USP4: variants seen among roughly 807,000 people sequenced by gnomAD.
USP4 encodes the protein ubiquitin carboxyl-terminal hydrolase 4.
Under a neutral mutation model 118.2 loss-of-function variants are expected in USP4, and 72 were observed. That is an observed-to-expected ratio of 0.61 (90% CI 0.50 to 0.74). The LOEUF (loss-of-function observed/expected upper bound fraction) is 0.74. Ranked by LOEUF, USP4 falls within the 30% of genes least tolerant of loss-of-function variation. The pLI is 0.00. For missense variants in USP4, 1,037 were observed against 1,185.7 expected (o/e 0.87, Z 1.84); for synonymous variants, 415 against 440.4 (o/e 0.94, Z 0.72).
intron 14 of USP4, among the ~76,000 whole-genome samples, chr3:49,292,893 G>A (rs1022290713): frequency 2.0e-5 from 3 of 151,694 alleles, no homozygotes; most frequent in African/African-American, 2.4e-5. Flanking sequence ...AGCTGGGCAT[G>A]GTGGCACATG....
chr3:49,319,786 T>C (rs1158637306), intron 6 of USP4, among the ~76,000 whole-genome samples: 1 of 151,902 alleles, frequency 6.6e-6, no homozygotes, highest in African/African-American at 2.4e-5. Context: ...GCTAATTTTC[T>C]GTACTTTTAG....
chr3:49,287,491 G>T (rs1575601754), intron 15 of USP4, among the ~76,000 whole-genome samples: 1 of 150,864 alleles, frequency 6.6e-6, no homozygotes, highest in Non-Finnish European at 1.5e-5. Context: ...CTTTTTTTTT[G>T]AAGTGGAGTC....
Position 49,277,371 on chromosome 3 carries a change from A to C in USP4, c.*922T>G. 6 of 598,934 alleles carry C rather than the reference A, an allele frequency of 1.0e-5. No individual in the cohort carries two copies. The highest frequency in any genetic ancestry group is 1.5e-5 in the Non-Finnish European group (6 of 400,936). The allele number at this position is 598,934 out of a possible 1,614,324, so 37.1% of individuals were successfully genotyped here. A position where few individuals can be genotyped will look rare whatever the true frequency, so the allele number is the denominator to read the frequency against. On this transcript the variant is annotated 3_prime_UTR_variant, in exon 22 of 22. Coordinates refer to ENST00000265560, the MANE Select transcript of USP4 (RefSeq NM_003363.4). ...GTGGGAGTGGGGACGGGGCTTTCGA[A>C]TGGGGGCCCCGGGAAGAGTCTTGGC... is the stretch of plus-strand genomic sequence containing the variant.
chr3:49,325,590 C>T (rs778814754), intron 4 of USP4, 129 bp downstream of exon 4: 31 of 1,406,434 alleles, frequency 2.2e-5, no homozygotes, highest in African/African-American at 2.8e-5. Context: ...GGACTGGCAA[C>T]TACAGCTCGA....
intron 20 of USP4, among the ~76,000 whole-genome samples, chr3:49,279,587 A>G (rs1248726895): frequency 6.6e-6 from 1 of 152,176 alleles, no homozygotes; most frequent in African/African-American, 2.4e-5. Context: ...GGATGTGTTT[A>G]TTACAGCAAT....
chr3:49,326,934 T>C (rs930417241), intron 3 of USP4, among the ~76,000 whole-genome samples: 1 of 151,808 alleles, frequency 6.6e-6, no homozygotes, highest in African/African-American at 2.4e-5. Flanking sequence ...TCTCCTGACC[T>C]CGTGATCCAC....
intron 19 of USP4, among the ~76,000 whole-genome samples, chr3:49,282,536 C>G (rs987719097): frequency 2.0e-5 from 3 of 152,048 alleles, no homozygotes; most frequent in African/African-American, 7.2e-5. Context: ...CTCAGCCTCC[C>G]AAAGTGCTGG....
intron 6 of USP4, among the ~76,000 whole-genome samples, chr3:49,321,594 A>C (rs1014223362): frequency 1.3e-5 from 2 of 151,252 alleles, no homozygotes; most frequent in South Asian, 4.2e-4. Flanking sequence ...CAGCCTCCCC[A>C]GTAGCTACGA....
chr3:49,308,809 C>T (rs1296891110), intron 8 of USP4, among the ~76,000 whole-genome samples: 1 of 151,650 alleles, frequency 6.6e-6, no homozygotes, highest in Non-Finnish European at 1.5e-5. Flanking sequence ...GGGTGGATCA[C>T]CTGAGGCCGG....
At chr3:49,281,571 G>A (rs113486065) in intron 19 of USP4, among the ~76,000 whole-genome samples, 98 of 150,814 alleles carry the variant, frequency 6.5e-4, no homozygotes, top group African/African-American at 1.9e-3. Flanking sequence ...CAAATTAGCC[G>A]GGCATGGTGG....
chr3:49,299,152 C>T (rs973565660), intron 11 of USP4, among the ~76,000 whole-genome samples: 4 of 152,006 alleles, frequency 2.6e-5, no homozygotes, highest in Non-Finnish European at 4.4e-5. Context: ...CGCAGTGACG[C>T]GATCTTGGCT....
At chr3:49,326,456 G>A (rs2047556521) in intron 3 of USP4, among the ~76,000 whole-genome samples, 1 of 152,044 alleles carries the variant, frequency 6.6e-6, no homozygotes, top group African/African-American at 2.4e-5. Context: ...GAGTGCAGTG[G>A]TGCGATCTCA....
At chr3:49,306,023 C>T (rs919377122) in intron 8 of USP4, 135 bp from the exon 9 acceptor site, 15 of 868,416 alleles carry the variant, frequency 1.7e-5, no homozygotes, top group Admixed American at 3.6e-5. Flanking sequence ...TGAAGGCTCA[C>T]GACAGTAAAG....
chr3:49,310,729 C>T lies in USP4; in HGVS notation c.845G>A (p.Gly282Asp). ...HSSGVSRGGS[G>D]FSASYNCQEP... ...CTGACAATTATACGAAGCAGAAAAG[C>T]CAGATCCACTGGAAAACACAACACA... The change falls in exon 8 of 22, where the codon GGC becomes GAC. Residue 282 changes from glycine to aspartate, a missense_variant. Coordinates refer to ENST00000265560, the MANE Select transcript of USP4 (RefSeq NM_003363.4). The T allele has an allele frequency of 6.2e-7, 1 of 1,613,584 alleles. No individual in the cohort carries two copies. The highest frequency in any genetic ancestry group is 2.2e-5 in the East Asian group (1 of 44,878).
Position 49,277,908 on chromosome 3 carries a change from A to G in USP4, c.*385T>C. 2.6e-6 allele frequency: 1 copy of G among 389,112 alleles called. No homozygotes were observed. The highest frequency in any genetic ancestry group is 4.5e-6 in the Non-Finnish European group (1 of 221,122). The allele number at this position is 389,112 out of a possible 1,614,324, so 24.1% of individuals were successfully genotyped here. On this transcript the variant is annotated 3_prime_UTR_variant, in exon 22 of 22. Coordinates refer to ENST00000265560, the MANE Select transcript of USP4 (RefSeq NM_003363.4). ...TGGGGTGACTAGTATTGGCATCAGA[A>G]CCAGAAATCCAGGCGCTCAGGGCAG...
chr3:49,279,336 A>G (rs2046992804), intron 20 of USP4: 1 of 152,864 alleles, frequency 6.5e-6, no homozygotes, highest in African/African-American at 2.4e-5. Flanking sequence ...TAACATCAAC[A>G]GAATGCTTAG....
intron 9 of USP4, among the ~76,000 whole-genome samples, chr3:49,304,938 A>G (rs2107782825): frequency 6.6e-6 from 1 of 150,808 alleles, no homozygotes; most frequent in East Asian, 2.0e-4. Flanking sequence ...TAATTTTTGT[A>G]TTTTTGGTAG....
intron 14 of USP4, 46 bp downstream of exon 14, chr3:49,294,361 A>G: frequency 6.3e-7 from 1 of 1,574,864 alleles, no homozygotes; most frequent in Non-Finnish European, 8.7e-7. Flanking sequence ...ATTACTGGGT[A>G]TATCTTCATC....
chr3:49,286,816 C>CTCTATCTATCTATCTATCTATCTATCTA (rs57920190), intron 15 of USP4, among the ~76,000 whole-genome samples: 2 of 141,230 alleles, frequency 1.4e-5, no homozygotes, highest in African/African-American at 2.7e-5. Context: ...ACTCTAGCCA[C>CTCTATCTATCTATCTATCTATCTATCTA]TCTATCTATC....
Sources: allele counts gnomAD v4.1 joint callset (sites outside exome capture counted in the v4.1 genomes callset), GRCh38; gene constraint gnomAD v4.1.1; transcripts MANE v1.5; gene names NCBI Gene and HGNC (gene_info 2026-07-23, HGNC 2026-07-21).